ALK: variants seen among roughly 807,000 people sequenced by gnomAD.
ALK encodes the protein ALK receptor tyrosine kinase.
A neutral mutation model predicts 163.1 loss-of-function variants in ALK; 74 were observed. The observed-to-expected ratio is 0.45, with a 90% CI of 0.38 to 0.55. ALK has a LOEUF of 0.55. ALK is among the 20% of genes least tolerant of loss of function. ALK has a pLI of 0.00. For synonymous variants in ALK, 960 were observed against 843.2 expected, an observed-to-expected ratio of 1.14 and a Z score of -2.40; for missense variants, 2,063 against 2,105.3, an observed-to-expected ratio of 0.98 and a Z score of 0.39.
intron 1 of ALK, among the ~76,000 whole-genome samples, chr2:29,767,990 T>C (rs1004014077): frequency 1.3e-5 from 2 of 152,182 alleles, no homozygotes; most frequent in East Asian, 1.9e-4. Context: ...CGGGTGACAG[T>C]TGGTGCCTAG....
chr2:29,876,686 T>TGATGTTAACG (rs879429677), intron 1 of ALK, among the ~76,000 whole-genome samples: 1 of 137,988 alleles, frequency 7.2e-6, no homozygotes, highest in East Asian at 2.2e-4. Flanking sequence ...ACGATGGTGA[T>TGATGTTAACG]ATGGTGATGG....
intron 11 of ALK, among the ~76,000 whole-genome samples, chr2:29,253,276 G>A (rs975500198): frequency 6.6e-6 from 1 of 152,196 alleles, no homozygotes; most frequent in Admixed American, 6.5e-5. Context: ...AAATATATGT[G>A]TGGGCTGTGC....
intron 1 of ALK, among the ~76,000 whole-genome samples, chr2:29,865,996 T>C (rs1481169319): frequency 7.2e-5 from 11 of 152,166 alleles, no homozygotes; most frequent in Admixed American, 7.2e-4. Context: ...ATCTAGCCCA[T>C]GCTTGAAGGG....
chr2:29,658,601 A>G (rs552161107), intron 3 of ALK, among the ~76,000 whole-genome samples: 77 of 152,302 alleles, frequency 5.1e-4, no homozygotes, highest in African/African-American at 1.8e-3. Flanking sequence ...TGCTCAAATA[A>G]AACACCCACA....
intron 3 of ALK, among the ~76,000 whole-genome samples, chr2:29,623,676 T>G (rs1247119367): frequency 6.6e-6 from 1 of 152,214 alleles, no homozygotes; most frequent in East Asian, 1.9e-4. Flanking sequence ...AGACACTGTG[T>G]TCTTAACTGT....
chr2:29,781,234 C>G (rs1302788638), intron 1 of ALK, among the ~76,000 whole-genome samples: 2 of 152,180 alleles, frequency 1.3e-5, no homozygotes, highest in African/African-American at 4.8e-5. Context: ...GCAGCTTGTT[C>G]CAGAGAACAC....
At chr2:29,689,576 C>T (rs986862304) in intron 3 of ALK, among the ~76,000 whole-genome samples, 3 of 152,072 alleles carry the variant, frequency 2.0e-5, no homozygotes, top group African/African-American at 7.2e-5. Context: ...TCTAAGAATT[C>T]ACAGTCCACA....
rs915005119 is a variant in ALK at position 29,501,591 on chromosome 2, G to A, written c.1154+30324C>T. On this transcript the variant is annotated intron_variant, in intron 4 of 28. Coordinates refer to ENST00000389048, the MANE Select transcript of ALK (RefSeq NM_004304.5). ...GGGAAAGTACAGGTTCCCCTCAATA[G>A]CCTCATCTCTGTGGAAAGCTCCATT... Among the ~76,000 whole-genome samples, 3 of 152,150 alleles carry A rather than the reference G, an allele frequency of 2.0e-5. 1 individual carries two copies. Among genetic ancestry groups the A allele is most frequent in the Non-Finnish European group, 4.4e-5 (3 of 68,046 alleles).
rs78711510 is a variant in ALK, at chr2:29,472,313, C to T, written c.1154+59602G>A. On this transcript the variant is annotated intron_variant, in intron 4 of 28. Coordinates refer to ENST00000389048, the MANE Select transcript of ALK (RefSeq NM_004304.5). The stretch of plus-strand genomic sequence containing the variant: ...GTGAAGCAGGGGCAAGCCTTTCTTA[C>T]TGTACCTTGTCTAAATTCCCAATCC... Among the ~76,000 whole-genome samples the T allele has an allele frequency of 1.2e-3, 187 of 152,358 alleles. 1 individual carries two copies. The highest frequency in any genetic ancestry group is 3.8e-3 in the African/African-American group (160 of 41,586).
At chr2:29,214,208 G>A (rs1421702786) in intron 23 of ALK, 127 bp from the exon 24 acceptor site, 5 of 776,348 alleles carry the variant, frequency 6.4e-6, no homozygotes, top group Non-Finnish European at 1.1e-5. Context: ...AGGGGCCTCG[G>A]CCCTGGCTGC....
chr2:29,260,701 G>C (rs1029359013), intron 11 of ALK, among the ~76,000 whole-genome samples: 1 of 151,872 alleles, frequency 6.6e-6, no homozygotes, highest in African/African-American at 2.4e-5. Flanking sequence ...CAGGTATGGT[G>C]GTGGGTGCCT....
chr2:29,470,206 A>C (rs1185246072), intron 4 of ALK, among the ~76,000 whole-genome samples: 1 of 152,166 alleles, frequency 6.6e-6, no homozygotes, highest in African/African-American at 2.4e-5. Flanking sequence ...GAAGAAGAAA[A>C]AAAAGACAGA....
chr2:29,665,929 G>C (rs2148265888), intron 3 of ALK, among the ~76,000 whole-genome samples: 1 of 151,972 alleles, frequency 6.6e-6, no homozygotes, highest in Middle Eastern at 3.4e-3. Flanking sequence ...TAATTAAATA[G>C]AACTAACCCT....
intron 1 of ALK, among the ~76,000 whole-genome samples, chr2:29,831,890 C>T (rs181599310): frequency 3.9e-5 from 6 of 152,286 alleles, no homozygotes; most frequent in East Asian, 3.9e-4. Flanking sequence ...CCTGAATAGG[C>T]GAACCATTTT....
chr2:29,220,617 C>T (rs2148166021), intron 23 of ALK, 89 bp downstream of exon 23: 1 of 1,593,500 alleles, frequency 6.3e-7, no homozygotes, highest in Non-Finnish European at 8.6e-7. Flanking sequence ...CATCGAGGAA[C>T]TTGCTACCCA....
chr2:29,794,642 G>A (rs1342886937), intron 1 of ALK, among the ~76,000 whole-genome samples: 1 of 152,082 alleles, frequency 6.6e-6, no homozygotes, highest in Admixed American at 6.6e-5. Context: ...CAATATTTTT[G>A]TATCTCAGGG....
rs1473086953 is a variant in ALK at position 29,328,338 on chromosome 2, C to T, written c.1414+12G>A. 1.2e-6 allele frequency: 2 copies of T among 1,613,972 alleles called. No individual in the cohort carries two copies. The highest frequency in any genetic ancestry group is 2.7e-5 in the African/African-American group (2 of 74,904). The stretch of plus-strand genomic sequence containing the variant: ...TGGGCTCAGGCAGGGTGGGGCAGCC[C>T]CATCTACTCACGGCACATCTGGCTC... On this transcript the variant is annotated intron_variant, in intron 6 of 28. Coordinates refer to ENST00000389048, the MANE Select transcript of ALK (RefSeq NM_004304.5).
rs1239953960 is a variant in ALK, at chr2:29,192,876, A to C, written c.*348T>G. On this transcript the variant is annotated 3_prime_UTR_variant, in exon 29 of 29. Coordinates refer to ENST00000389048, the MANE Select transcript of ALK (RefSeq NM_004304.5). ...AAACATCTATGACCCCAACTATGAA[A>C]CATAGAAGCAGCTAATTCTGACTAC... The C allele has an allele frequency of 1.2e-5, 5 of 412,754 alleles. No individual in the cohort carries two copies. Among genetic ancestry groups the C allele is most frequent in the East Asian group, 8.4e-5 (2 of 23,772 alleles). 25.6% of individuals were successfully genotyped at this position (412,754 alleles called of 1,614,324 possible).
intron 23 of ALK, among the ~76,000 whole-genome samples, chr2:29,220,208 C>T (rs964672025): frequency 7.2e-5 from 11 of 152,072 alleles, no homozygotes; most frequent in Admixed American, 2.0e-4. Flanking sequence ...GGTGGATTTC[C>T]CCCTTGCTAT....
Sources: gnomAD v4.1 joint callset for allele counts (sites outside exome capture counted in the v4.1 genomes callset) on GRCh38, gnomAD v4.1.1 for gene constraint, MANE v1.5 for transcripts, NCBI Gene and HGNC (gene_info 2026-07-23, HGNC 2026-07-21) for gene names.